The following DAB1 variants were observed in gnomAD, a reference collection of about 807,000 sequenced individuals.
DAB1 encodes DAB adaptor protein 1.
DAB1 carries 15 observed loss-of-function variants against 64.6 expected under a neutral mutation model. The observed-to-expected ratio is 0.23, with a 90% confidence interval of 0.16 to 0.36. DAB1 has a LOEUF of 0.36. Ranked by LOEUF, DAB1 falls within the 10% of genes least tolerant of loss-of-function variation. The pLI is 1.00. For missense variants in DAB1, 596 were observed against 706.7 expected, an observed-to-expected ratio of 0.84 and a Z score of 1.78; for synonymous variants, 235 against 251.9, an observed-to-expected ratio of 0.93 and a Z score of 0.64.
intron 4 of DAB1, among the ~76,000 whole-genome samples, chr1:57,102,378 G>T (rs532389557): frequency 5.9e-5 from 9 of 152,234 alleles, no homozygotes; most frequent in Middle Eastern, 3.4e-3. Context: ...CCATCCTGTG[G>T]TCATGTTTTA....
chr1:58,133,367 C>T (rs1557665351), intron 5 of DAB1, among the ~76,000 whole-genome samples: 1 of 152,200 alleles, frequency 6.6e-6, no homozygotes, highest in Non-Finnish European at 1.5e-5. Flanking sequence ...CTGGGACTCC[C>T]TAGCTAATGC....
intron 3 of DAB1, among the ~76,000 whole-genome samples, chr1:58,444,953 G>A (rs74076247): frequency 6.6e-6 from 1 of 152,266 alleles, no homozygotes; most frequent in African/African-American, 2.4e-5. Context: ...ATTGTTGCTG[G>A]TTGTGTTTTT....
chr1:57,891,274 G>A (rs1644309805), intron 5 of DAB1, among the ~76,000 whole-genome samples: 1 of 152,120 alleles, frequency 6.6e-6, no homozygotes, highest in Non-Finnish European at 1.5e-5. Flanking sequence ...GTCATCACTG[G>A]TCATTAGATA....
In DAB1 at chr1:57,413,787, A is replaced by G. The variant is rs1684296885; in HGVS notation, c.-137+10143T>C. Among the ~76,000 whole-genome samples, 4 of 151,360 alleles carry G rather than the reference A, an allele frequency of 2.6e-5. No homozygotes were observed. In the South Asian group the frequency reaches 8.4e-4, roughly 32 times the overall value. On this transcript the variant is annotated intron_variant, in intron 1 of 14. Coordinates refer to ENST00000371236, the MANE Select transcript of DAB1 (RefSeq NM_001365792.1). ...AAAAAAATTCATCATTCTAGATGCCATTAAGAACATTTGTGATTCATGAAA... is the reference window on the plus strand; with the variant it reads ...AAAAAAATTCATCATTCTAGATGCCGTTAAGAACATTTGTGATTCATGAAA...
intron 3 of DAB1, among the ~76,000 whole-genome samples, chr1:58,370,292 T>G (rs1216328498): frequency 2.0e-5 from 3 of 151,978 alleles, no homozygotes; most frequent in African/African-American, 7.3e-5. Flanking sequence ...AAGAAAGATA[T>G]AGCATGATGA....
At chr1:58,516,769 C>T (rs1211606696) in intron 2 of DAB1, among the ~76,000 whole-genome samples, 6 of 152,060 alleles carry the variant, frequency 3.9e-5, no homozygotes, top group Admixed American at 3.3e-4. Context: ...GAAATAGTTC[C>T]CAGTAACCAA....
At chr1:58,249,908 G>A (rs1307978846) in intron 4 of DAB1, among the ~76,000 whole-genome samples, 1 of 152,212 alleles carries the variant, frequency 6.6e-6, no homozygotes, top group African/African-American at 2.4e-5. Flanking sequence ...TGCGCACACT[G>A]CAGCCGCCGC....
chr1:57,227,210 A>G (rs1214914211), intron 2 of DAB1, among the ~76,000 whole-genome samples: 1 of 152,172 alleles, frequency 6.6e-6, no homozygotes, highest in Non-Finnish European at 1.5e-5. Context: ...CCTAAGCCTT[A>G]GTGGAATTGA....
intron 2 of DAB1, among the ~76,000 whole-genome samples, chr1:57,220,272 A>G (rs780660419): frequency 6.6e-6 from 1 of 152,208 alleles, no homozygotes; most frequent in South Asian, 2.1e-4. Flanking sequence ...TTCCAAGGAC[A>G]CTAGTGGAAC....
In DAB1 at chr1:56,997,405, C is replaced by T. The variant is rs181628293; in HGVS notation, c.*739G>A. 2.1e-4 allele frequency: 32 copies of T among 152,260 alleles called. 1 individual carries two copies. Among genetic ancestry groups the T allele is most frequent in the African/African-American group, 7.5e-4 (31 of 41,554 alleles). 9.4% of individuals were successfully genotyped at this position (152,260 alleles called of 1,614,324 possible). A position where few individuals can be genotyped will look rare whatever the true frequency, so the allele number is the denominator to read the frequency against. On this transcript the variant is annotated 3_prime_UTR_variant, in exon 15 of 15. Transcript: ENST00000371236. Reference sequence around the variant, plus strand: ...GCTAAAGGACTGTTTTGGCAACATTCGTGATCATAATGAATAATCAACCAC... The same window carrying T: ...GCTAAAGGACTGTTTTGGCAACATTTGTGATCATAATGAATAATCAACCAC...
intron 4 of DAB1, among the ~76,000 whole-genome samples, chr1:58,336,358 G>A (rs1396772201): frequency 1.2e-4 from 18 of 152,206 alleles, no homozygotes; most frequent in Admixed American, 1.2e-3. Flanking sequence ...GCTGGCATTT[G>A]CTTCAGATGT....
chr1:57,815,830 CT>C (rs1192242337), intron 6 of DAB1, among the ~76,000 whole-genome samples: 4 of 152,126 alleles, frequency 2.6e-5, no homozygotes, highest in Non-Finnish European at 4.4e-5. Context: ...TAATTTTGCA[CT>C]TTTTGCACTG....
chr1:57,895,526 T>C (rs936627385), intron 5 of DAB1, among the ~76,000 whole-genome samples: 1 of 152,192 alleles, frequency 6.6e-6, no homozygotes, highest in Non-Finnish European at 1.5e-5. Flanking sequence ...CAGGATACAG[T>C]GAGGACCCAG....
At chr1:57,885,125 C>T (rs2101974557), upstream of DAB1, among the ~76,000 whole-genome samples, 1 of 152,318 alleles carries the variant, frequency 6.6e-6, no homozygotes, top group East Asian at 1.9e-4. Context: ...AATCACAGAT[C>T]TTTATCTCAA....
intron 2 of DAB1, among the ~76,000 whole-genome samples, chr1:57,253,690 T>C (rs1398804857): frequency 6.6e-6 from 1 of 152,218 alleles, no homozygotes. Flanking sequence ...TATTTCTTGG[T>C]ATGGTTAGTG....
At chr1:58,085,948 ATC>A (rs1277468226) in intron 5 of DAB1, among the ~76,000 whole-genome samples, 12 of 137,826 alleles carry the variant, frequency 8.7e-5, no homozygotes, top group African/African-American at 2.5e-4. Flanking sequence ...CTGTGGGCTG[ATC>A]TCTCTCTCTT....
intron 4 of DAB1, among the ~76,000 whole-genome samples, chr1:57,114,329 T>G (rs935172895): frequency 7.2e-5 from 11 of 152,236 alleles, no homozygotes; most frequent in Middle Eastern, 3.2e-3. Flanking sequence ...TCTTCTTTGC[T>G]GTATCTTCAA....
intron 7 of DAB1, among the ~76,000 whole-genome samples, chr1:57,534,787 T>A (rs993209526): frequency 3.9e-5 from 6 of 152,184 alleles, no homozygotes; most frequent in African/African-American, 1.4e-4. Context: ...GTAAATGAGA[T>A]AACATGTCTC....
intron 5 of DAB1, among the ~76,000 whole-genome samples, chr1:57,898,918 T>C (rs1230190500): frequency 2.0e-5 from 3 of 152,168 alleles, no homozygotes; most frequent in African/African-American, 7.2e-5. Context: ...ACAAATTCAA[T>C]CTTTTCCTCC....
Sources: allele counts gnomAD v4.1 joint callset (sites outside exome capture counted in the v4.1 genomes callset), GRCh38; gene constraint gnomAD v4.1.1; transcripts MANE v1.5; gene names NCBI Gene and HGNC (gene_info 2026-07-23, HGNC 2026-07-21).